Variants in LINGO2 observed in about 807,000 individuals in gnomAD.
LINGO2 encodes the protein leucine-rich repeat and immunoglobulin-like domain-containing nogo receptor-interacting protein 2.
A neutral mutation model predicts 30.6 loss-of-function variants in LINGO2; 14 were observed. The observed-to-expected ratio is 0.46, with a 90% confidence interval of 0.30 to 0.72. The LOEUF (loss-of-function observed/expected upper bound fraction) is 0.72. LINGO2 is among the 30% of genes least tolerant of loss of function. The probability of loss-of-function intolerance (pLI) is 0.07; values close to 1 mark genes in which losing one functional copy is unlikely to be tolerated. For missense variants in LINGO2, 729 were observed against 751.7 expected, an observed-to-expected ratio of 0.97 and a Z score of 0.35; for synonymous variants, 317 against 288.5, an observed-to-expected ratio of 1.10 and a Z score of -1.00.
chr9:28,268,508 G>A (rs1822832284), intron 4 of LINGO2, among the ~76,000 whole-genome samples: 1 of 152,054 alleles, frequency 6.6e-6, no homozygotes, highest in South Asian at 2.1e-4. Flanking sequence ...CAATTGGTAG[G>A]AAACTAGAGG....
chr9:28,350,873 A>T (rs1212886779), intron 3 of LINGO2, among the ~76,000 whole-genome samples: 3 of 152,198 alleles, frequency 2.0e-5, no homozygotes. Context: ...ATACATGGAA[A>T]CTGAACAACC....
chr9:28,746,465 T>G, the LINGO2 span, among the ~76,000 whole-genome samples: 4 of 152,142 alleles, frequency 2.6e-5, no homozygotes, highest in South Asian at 8.3e-4. Context: ...TTGGTCAAGA[T>G]GTTTTTTCTT....
intron 1 of LINGO2, among the ~76,000 whole-genome samples, chr9:28,516,290 TATAGGTAGGATC>T (rs1251737326): frequency 1.2e-4 from 19 of 152,190 alleles, no homozygotes; most frequent in Non-Finnish European, 2.4e-4. Flanking sequence ...GAGCTTCTGA[TATAGGTAGGATC>T]ATTTCAAAAT....
At chr9:28,098,020 A>G (rs953717096) in intron 4 of LINGO2, among the ~76,000 whole-genome samples, 1 of 152,086 alleles carries the variant, frequency 6.6e-6, no homozygotes, top group African/African-American at 2.4e-5. Flanking sequence ...AATCGATACC[A>G]AAGTCCAGGT....
At chr9:28,760,118 A>G in the LINGO2 span, among the ~76,000 whole-genome samples, 2 of 152,136 alleles carry the variant, frequency 1.3e-5, no homozygotes, top group Non-Finnish European at 2.9e-5. Context: ...TGTTTCTGGA[A>G]AAAAAGAATT....
At chr9:28,973,799 A>G in the LINGO2 span, among the ~76,000 whole-genome samples, 1 of 152,206 alleles carries the variant, frequency 6.6e-6, no homozygotes, top group South Asian at 2.1e-4. Context: ...CAGCAAAAAT[A>G]TCCTTCAAAC....
intron 4 of LINGO2, among the ~76,000 whole-genome samples, chr9:28,226,642 GGAAAGAAAGAAA>G (rs397959896): frequency 1.1e-3 from 60 of 53,228 alleles, no homozygotes; most frequent in East Asian, 3.5e-3. Context: ...AAGGAAAGAA[GGAAAGAAAGAAA>G]GAAAGAAAGA....
At chr9:28,887,131 G>C in the LINGO2 span, among the ~76,000 whole-genome samples, 2 of 152,180 alleles carry the variant, frequency 1.3e-5, no homozygotes, top group East Asian at 3.9e-4. Flanking sequence ...TGAACAAAGA[G>C]CTATACAAAC....
chr9:28,752,064 G>C, the LINGO2 span, among the ~76,000 whole-genome samples: 2 of 151,942 alleles, frequency 1.3e-5, no homozygotes, highest in Non-Finnish European at 2.9e-5. Flanking sequence ...GGAGTATTTA[G>C]TAAAGTGGCC....
intron 4 of LINGO2, among the ~76,000 whole-genome samples, chr9:28,104,268 T>TTG (rs1554673659): frequency 6.4e-5 from 8 of 124,228 alleles, no homozygotes; most frequent in African/African-American, 1.1e-4. Context: ...TTTTGTTTGT[T>TTG]TTTTTTTTTT....
chr9:28,007,936 G>T (rs778101818), intron 5 of LINGO2, among the ~76,000 whole-genome samples: 1 of 152,158 alleles, frequency 6.6e-6, no homozygotes, highest in Non-Finnish European at 1.5e-5. Context: ...AGTTCAGCAG[G>T]TGAGTTCTTC....
chr9:29,037,018 A>C, the LINGO2 span, among the ~76,000 whole-genome samples: 1 of 151,912 alleles, frequency 6.6e-6, no homozygotes, highest in Non-Finnish European at 1.5e-5. Flanking sequence ...TATGTATGTC[A>C]GGTAATTCTC....
the LINGO2 span, among the ~76,000 whole-genome samples, chr9:28,814,184 A>T: frequency 3.9e-5 from 6 of 152,202 alleles, no homozygotes; most frequent in Non-Finnish European, 8.8e-5. Flanking sequence ...CATGCCTGTA[A>T]TCTCAGAACT....
chr9:28,143,159 C>G (rs1827721671), intron 4 of LINGO2, among the ~76,000 whole-genome samples: 1 of 152,136 alleles, frequency 6.6e-6, no homozygotes, highest in Non-Finnish European at 1.5e-5. Context: ...TCTATAACTG[C>G]TACAAAAGCA....
chr9:28,077,493 C>A (rs1587816668), intron 4 of LINGO2, among the ~76,000 whole-genome samples: 1 of 152,144 alleles, frequency 6.6e-6, no homozygotes, highest in East Asian at 1.9e-4. Flanking sequence ...TTCATTCATT[C>A]ACTTAAAACT....
the LINGO2 span, among the ~76,000 whole-genome samples, chr9:28,882,489 T>C: frequency 6.6e-6 from 1 of 152,180 alleles, no homozygotes; most frequent in Non-Finnish European, 1.5e-5. Context: ...ACTCCAGTAA[T>C]ACAACAGCAT....
chr9:28,029,883 A>G (rs1414773356), intron 4 of LINGO2, among the ~76,000 whole-genome samples: 1 of 152,202 alleles, frequency 6.6e-6, no homozygotes, highest in Non-Finnish European at 1.5e-5. Flanking sequence ...GATCAAGGTT[A>G]TAGGTCAGAA....
intron 5 of LINGO2, among the ~76,000 whole-genome samples, chr9:27,992,093 G>A (rs2119036504): frequency 6.6e-6 from 1 of 152,120 alleles, no homozygotes; most frequent in Non-Finnish European, 1.5e-5. Context: ...TAATGACAAA[G>A]GTGTTAATGA....
chr9:28,132,993 G>T (rs1310906386), intron 4 of LINGO2, among the ~76,000 whole-genome samples: 1 of 152,122 alleles, frequency 6.6e-6, no homozygotes, highest in African/African-American at 2.4e-5. Context: ...AAGGCTTTCA[G>T]CCCGTACATT....
Sources: allele counts gnomAD v4.1 joint callset (sites outside exome capture counted in the v4.1 genomes callset), GRCh38; gene constraint gnomAD v4.1.1; transcripts MANE v1.5; gene names NCBI Gene and HGNC (gene_info 2026-07-23, HGNC 2026-07-21).